EDRF1: variants seen among roughly 807,000 people sequenced by gnomAD.
The protein encoded by EDRF1 is erythroid differentiation-related factor 1.
A neutral mutation model predicts 148.7 loss-of-function variants in EDRF1; 69 were observed. The ratio of observed to expected loss-of-function variants is 0.46; its 90% CI spans 0.38 to 0.57. EDRF1 has a LOEUF of 0.57. Ranked by LOEUF, EDRF1 falls within the 20% of genes least tolerant of loss-of-function variation. EDRF1 has a pLI of 0.00. For synonymous variants in EDRF1, 515 were observed against 532.8 expected (o/e 0.97, Z 0.46); for missense variants, 1,118 against 1,478.7 (o/e 0.76, Z 4.00).
At chr10:125,759,083 T>C (rs1359146714) in intron 24 of EDRF1, among the ~76,000 whole-genome samples, 7 of 152,162 alleles carry the variant, frequency 4.6e-5, no homozygotes, top group South Asian at 2.1e-4. Flanking sequence ...TACCCTGTCA[T>C]AGGTCTACAG....
Position 125,725,852 on chromosome 10 carries a change from T to G in EDRF1, c.792+14T>G, listed in dbSNP as rs780589253. On this transcript the variant is annotated intron_variant, in intron 6 of 24. Coordinates refer to ENST00000356792, the MANE Select transcript of EDRF1 (RefSeq NM_001202438.2). ...GCTTCCAGTCAGGTTAGTACTTAAA[T>G]GCTAATTCTAGAAACTCACATAGGA... 1.9e-6 allele frequency: 3 copies of G among 1,610,690 alleles called. No homozygotes were observed. The highest frequency in any genetic ancestry group is 2.2e-5 in the South Asian group (2 of 91,048).
chr10:125,731,033 G>C lies in EDRF1; in HGVS notation c.1128+634G>C, dbSNP rs140234355. The stretch of plus-strand genomic sequence containing the variant: ...ATGGTGGTACATGTCTGTAGTCCCA[G>C]CTACTTGGGGGCTTGAAGCAGGAGG... On this transcript the variant is annotated intron_variant, in intron 9 of 24. Coordinates refer to ENST00000356792, the MANE Select transcript of EDRF1 (RefSeq NM_001202438.2). Among the ~76,000 whole-genome samples, 100 of 152,262 alleles carry C rather than the reference G, an allele frequency of 6.6e-4. 1 individual carries two copies. The South Asian group carries it at 9.7e-3, about 15-fold the overall frequency.
Position 125,738,283 on chromosome 10 carries a change from C to T in EDRF1, c.1831-12C>T, listed in dbSNP as rs1335081082. On this transcript the variant is annotated splice_polypyrimidine_tract_variant and intron_variant, in intron 14 of 24. Transcript: ENST00000356792. ...GTTAGATAGATAGTGAATGCTTTTCCTTTTTTTGCAGGGTTTAAAATCTGT... is the reference window on the plus strand; with the variant it reads ...GTTAGATAGATAGTGAATGCTTTTCTTTTTTTTGCAGGGTTTAAAATCTGT... 6.2e-7 allele frequency: 1 copy of T among 1,613,708 alleles called. No individual in the cohort carries two copies. Among genetic ancestry groups the T allele is most frequent in the South Asian group, 1.1e-5 (1 of 91,072 alleles).
intron 13 of EDRF1, among the ~76,000 whole-genome samples, chr10:125,736,943 C>T (rs760898463): frequency 6.6e-6 from 1 of 152,036 alleles, no homozygotes; most frequent in Non-Finnish European, 1.5e-5. Context: ...GTTTGTCTTG[C>T]TTCACTAGAA....
At chr10:125,726,265 G>T (rs937348022) in intron 6 of EDRF1, among the ~76,000 whole-genome samples, 1 of 152,080 alleles carries the variant, frequency 6.6e-6, no homozygotes, top group East Asian at 1.9e-4. Flanking sequence ...AGACCCATTT[G>T]TAATTTAAGT....
In EDRF1 at chr10:125,753,582, G is replaced by A. The variant is rs1036982102; in HGVS notation, c.3394-112G>A. 3 of 1,206,302 alleles carry A rather than the reference G, an allele frequency of 2.5e-6. No homozygotes were observed. In the South Asian group the frequency reaches 3.7e-5, roughly 15 times the overall value. The allele number at this position is 1,206,302 out of a possible 1,614,324, so 74.7% of individuals were successfully genotyped here. ...GGTGTGCTTTTTGTTTGTTTGTCTT[G>A]TTTAGGGTTAAAAATGTATTGGATG... On this transcript the variant is annotated intron_variant, in intron 23 of 24. Coordinates refer to ENST00000356792, the MANE Select transcript of EDRF1 (RefSeq NM_001202438.2).
At position 125,747,441 on chromosome 10, in the gene EDRF1, A is replaced by G. The variant is rs539022746; in HGVS notation, c.2815-95A>G. The G allele has an allele frequency of 6.2e-5, 81 of 1,315,542 alleles. No individual in the cohort carries two copies. The African/African-American group carries it at 1.0e-3, about 17-fold the overall frequency. The allele number at this position is 1,315,542 out of a possible 1,614,324, so 81.5% of individuals were successfully genotyped here. A position where few individuals can be genotyped will look rare whatever the true frequency, so the allele number is the denominator to read the frequency against. On this transcript the variant is annotated intron_variant, in intron 19 of 24. Transcript: ENST00000356792. ...TTATAAATTATCCCAAAATTAAATT[A>G]ACATCTGGGTAGTTGTGAAGTGTGT...
At chr10:125,739,909 C>T (rs1479276386) in intron 15 of EDRF1, among the ~76,000 whole-genome samples, 2 of 152,048 alleles carry the variant, frequency 1.3e-5, no homozygotes, top group Non-Finnish European at 2.9e-5. Flanking sequence ...AAGAAGGTAG[C>T]GATGGGCTGG....
rs779817190 is a variant in EDRF1 at position 125,733,594 on chromosome 10, G to T, written c.1277-41G>T. Reference sequence around the variant, plus strand: ...CTTGAGTGAACAATAATTGATTTGGGTAACTGCTGTGAAATGAGTCTTCTT... The same window carrying T: ...CTTGAGTGAACAATAATTGATTTGGTTAACTGCTGTGAAATGAGTCTTCTT... On this transcript the variant is annotated intron_variant, in intron 10 of 24. Coordinates refer to ENST00000356792, the MANE Select transcript of EDRF1 (RefSeq NM_001202438.2). 1.9e-6 allele frequency: 3 copies of T among 1,609,190 alleles called. No individual in the cohort carries two copies. The Admixed American group carries it at 5.0e-5, about 27-fold the overall frequency.
chr10:125,731,055 G>A (rs2133689705), intron 9 of EDRF1, among the ~76,000 whole-genome samples: 1 of 152,284 alleles, frequency 6.6e-6, no homozygotes, highest in Middle Eastern at 3.4e-3. Context: ...CTTGAAGCAG[G>A]AGGATCACTT....
intron 3 of EDRF1, among the ~76,000 whole-genome samples, chr10:125,723,434 A>G (rs755834123): frequency 5.9e-5 from 9 of 152,320 alleles, no homozygotes; most frequent in Non-Finnish European, 8.8e-5. Context: ...ATTATTCTGT[A>G]TATGTTACCA....
At chr10:125,756,145 T>G (rs1849889847) in intron 24 of EDRF1, among the ~76,000 whole-genome samples, 1 of 152,216 alleles carries the variant, frequency 6.6e-6, no homozygotes, top group Non-Finnish European at 1.5e-5. Context: ...TATATTTTCG[T>G]TTTCATTTGT....
intron 15 of EDRF1, among the ~76,000 whole-genome samples, 195 bp from the exon 16 acceptor site, chr10:125,740,268 G>A (rs1450887817): frequency 1.3e-5 from 2 of 152,150 alleles, no homozygotes; most frequent in East Asian, 3.9e-4. Context: ...GAAGCAGAAG[G>A]CCTTAGAACT....
chr10:125,730,545 A>G, intron 9 of EDRF1, 146 bp downstream of exon 9: 1 of 708,916 alleles, frequency 1.4e-6, no homozygotes, highest in Non-Finnish European at 2.6e-6. Flanking sequence ...GTGTACATTT[A>G]AGTTGGTGAT....
At chr10:125,724,941 G>A (rs900616487) in intron 4 of EDRF1, among the ~76,000 whole-genome samples, 4 of 152,176 alleles carry the variant, frequency 2.6e-5, no homozygotes, top group Admixed American at 1.3e-4. Flanking sequence ...GTGAGTATGA[G>A]CCTAGGCACG....
intron 24 of EDRF1, chr10:125,761,233 G>A (rs1355994376): frequency 4.9e-6 from 2 of 409,114 alleles, no homozygotes; most frequent in Admixed American, 2.8e-5. Flanking sequence ...TTCAGGTGAT[G>A]CAGGCATTTC....
At position 125,728,646 on chromosome 10, in the gene EDRF1, C is replaced by T. The variant is rs368387260; in HGVS notation, c.793-357C>T. ...AGCTTGGACTACAAGCACATGCCAT[C>T]GTGCCTGGCCAGTTTCTTAGGAATT... On this transcript the variant is annotated intron_variant, in intron 6 of 24. Coordinates refer to ENST00000356792, the MANE Select transcript of EDRF1 (RefSeq NM_001202438.2). 1.8e-4 allele frequency among the ~76,000 whole-genome samples: 27 copies of T among 152,200 alleles called. No individual in the cohort carries two copies. The East Asian group carries it at 3.3e-3, about 19-fold the overall frequency.
intron 24 of EDRF1, among the ~76,000 whole-genome samples, chr10:125,762,291 C>T (rs1850228019): frequency 6.6e-6 from 1 of 152,164 alleles, no homozygotes; most frequent in South Asian, 2.1e-4. Context: ...GAAAACATGA[C>T]ATTTTGACCT....
Position 125,720,152 on chromosome 10 carries a change from A to G in EDRF1, c.108+237A>G, listed in dbSNP as rs930523986. On this transcript the variant is annotated intron_variant, in intron 1 of 24. Coordinates refer to ENST00000356792, the MANE Select transcript of EDRF1 (RefSeq NM_001202438.2). ...TTCCTCTCAAGGAGGGTACATGTAAATATGTCGTTCCAAAACGTGGCACAG... is the reference window on the plus strand; with the variant it reads ...TTCCTCTCAAGGAGGGTACATGTAAGTATGTCGTTCCAAAACGTGGCACAG... 4.6e-5 allele frequency among the ~76,000 whole-genome samples: 7 copies of G among 152,220 alleles called. No individual in the cohort carries two copies. The East Asian group carries it at 5.8e-4, about 13-fold the overall frequency.
Sources: gnomAD v4.1 joint callset for allele counts (sites outside exome capture counted in the v4.1 genomes callset) on GRCh38, gnomAD v4.1.1 for gene constraint, MANE v1.5 for transcripts, NCBI Gene and HGNC (gene_info 2026-07-23, HGNC 2026-07-21) for gene names.